Variants in TBCK observed in about 807,000 individuals in gnomAD.
TBCK encodes TBC1 domain containing kinase.
In TBCK, 99 loss-of-function variants were observed where a neutral mutation model predicts 113.4. The observed-to-expected ratio is 0.87, with a 90% CI of 0.74 to 1.03. The LOEUF (loss-of-function observed/expected upper bound fraction) is 1.03, where lower values mean the gene tolerates loss of function less well. Ranked by LOEUF, TBCK falls within the 50% of genes least tolerant of loss-of-function variation. The pLI is 0.00. For missense variants in TBCK, 1,045 were observed against 1,061.3 expected, an observed-to-expected ratio of 0.98 and a Z score of 0.21; for synonymous variants, 369 against 370.8, an observed-to-expected ratio of 1.00 and a Z score of 0.05.
chr4:106,181,838 GT>G (rs1360896335), intron 22 of TBCK, among the ~76,000 whole-genome samples: 3 of 152,004 alleles, frequency 2.0e-5, no homozygotes, highest in Non-Finnish European at 2.9e-5. Context: ...CAAGGATTGT[GT>G]TGGCTATGTG....
chr4:106,092,816 G>C (rs1365970960), intron 25 of TBCK, among the ~76,000 whole-genome samples: 1 of 152,176 alleles, frequency 6.6e-6, no homozygotes, highest in Non-Finnish European at 1.5e-5. Flanking sequence ...CTCCAGCCTC[G>C]GCCATCCCAG....
intron 21 of TBCK, among the ~76,000 whole-genome samples, chr4:106,194,057 T>A (rs565000100): frequency 6.6e-6 from 1 of 152,226 alleles, no homozygotes; most frequent in African/African-American, 2.4e-5. Flanking sequence ...CACAGATTTA[T>A]CTAGATGAAC....
At chr4:106,256,355 C>T (rs1255014314) in intron 5 of TBCK, among the ~76,000 whole-genome samples, 1 of 152,158 alleles carries the variant, frequency 6.6e-6, no homozygotes, top group Non-Finnish European at 1.5e-5. Context: ...GCCCTCAGCC[C>T]CCCTTCAGAC....
chr4:106,244,654 A>G lies in TBCK; in HGVS notation c.1042T>C (p.Ser348Pro). Residue 348 changes from serine (S) to proline (P), a missense_variant, in exon 11 of 26, where the codon TCC becomes CCC. Physicochemically the swap from Ser to Pro is moderately conservative, Grantham distance 74. Transcript: ENST00000394708. ...GGGAGTGTGCAGATAGGTGGTTTGG[A>G]TCGAATGATTTCCTTGTTGACAAGC... ...KELVNKEIIRSKPPICTLPNF... is the reference protein window; with the variant it reads ...KELVNKEIIRPKPPICTLPNF... 6.2e-7 allele frequency: 1 copy of G among 1,611,512 alleles called. No individual in the cohort carries two copies.
chr4:106,085,080 A>T (rs1578848568), intron 25 of TBCK, among the ~76,000 whole-genome samples: 1 of 152,238 alleles, frequency 6.6e-6, no homozygotes, highest in East Asian at 1.9e-4. Flanking sequence ...TGACAGGATC[A>T]AATTCACACA....
chr4:106,300,261 G>C (rs144150845), intron 2 of TBCK, among the ~76,000 whole-genome samples: 2 of 152,182 alleles, frequency 1.3e-5, no homozygotes, highest in African/African-American at 4.8e-5. Flanking sequence ...CCTAGTTTTG[G>C]GTATGTCTTT....
intron 22 of TBCK, among the ~76,000 whole-genome samples, chr4:106,176,397 A>G (rs1579133194): frequency 6.6e-6 from 1 of 152,158 alleles, no homozygotes; most frequent in East Asian, 1.9e-4. Context: ...TAGTTTCCCA[A>G]GTATGAGTTA....
rs138159338 is a variant in TBCK at position 106,233,015 on chromosome 4, G to A, written c.1562C>T (p.Ser521Leu). The change falls in exon 17 of 26, where the codon TCA (serine) becomes TTA (leucine). Residue 521 changes from serine (S) to leucine (L), a missense_variant. Ser to Leu is a moderately radical substitution (Grantham distance 145). Transcript: ENST00000394708. ...CCTAAATTTTGCATGACCTTCTGGT[G>A]ATGATAACAGTTCATCGTACTGATG... ...RCHQYDELLS[S>L]PEGHAKFRRV... The A allele has an allele frequency of 6.2e-7, 1 of 1,612,000 alleles. No homozygotes were observed. The highest frequency in any genetic ancestry group is 1.3e-5 in the African/African-American group (1 of 74,930).
At chr4:106,255,759 A>G (rs545376417) in intron 5 of TBCK, among the ~76,000 whole-genome samples, 1 of 152,276 alleles carries the variant, frequency 6.6e-6, no homozygotes, top group South Asian at 2.1e-4. Flanking sequence ...TTTAGCTCTG[A>G]CATTTGGCAG....
intron 3 of TBCK, among the ~76,000 whole-genome samples, chr4:106,289,748 AC>A (rs749408111): frequency 6.6e-6 from 1 of 150,926 alleles, no homozygotes; most frequent in Non-Finnish European, 1.5e-5. Flanking sequence ...AGCCTGGGTG[AC>A]AGAGCGAGAC....
intron 25 of TBCK, among the ~76,000 whole-genome samples, chr4:106,049,758 C>T (rs1734610033): frequency 6.6e-6 from 1 of 151,950 alleles, no homozygotes. Flanking sequence ...GGATATCATA[C>T]TGAACCAGTG....
chr4:106,156,530 G>T lies in TBCK; in HGVS notation c.2235+14565C>A, dbSNP rs565131942. ...CCAGGGACTTATGTCAAAAACCTTAGAAGTGTGCCTAGTGTTCTATTGTAC... is the reference window on the plus strand; with the variant it reads ...CCAGGGACTTATGTCAAAAACCTTATAAGTGTGCCTAGTGTTCTATTGTAC... On this transcript the variant is annotated intron_variant, in intron 23 of 25. Coordinates refer to ENST00000394708, the MANE Select transcript of TBCK (RefSeq NM_001163435.3). Among the ~76,000 whole-genome samples, 6 of 152,296 alleles carry T rather than the reference G, an allele frequency of 3.9e-5. No homozygotes were observed. The East Asian group carries it at 1.2e-3, about 29-fold the overall frequency.
At chr4:106,302,363 C>G (rs1033940159) in intron 2 of TBCK, among the ~76,000 whole-genome samples, 2 of 152,008 alleles carry the variant, frequency 1.3e-5, no homozygotes, top group Non-Finnish European at 2.9e-5. Flanking sequence ...CAGTTCCCAC[C>G]CGACTTTGAT....
chr4:106,070,469 C>T (rs1737265311), intron 25 of TBCK, among the ~76,000 whole-genome samples: 1 of 151,822 alleles, frequency 6.6e-6, no homozygotes, highest in Non-Finnish European at 1.5e-5. Context: ...GTTGAGCCAG[C>T]CTTCCATTGC....
chr4:106,258,448 T>C (rs907928709), intron 5 of TBCK, among the ~76,000 whole-genome samples: 1 of 152,068 alleles, frequency 6.6e-6, no homozygotes, highest in African/African-American at 2.4e-5. Context: ...TCACTTTATT[T>C]TTCCTGGCTA....
chr4:106,081,588 G>A (rs1738879170), intron 25 of TBCK, among the ~76,000 whole-genome samples: 1 of 152,086 alleles, frequency 6.6e-6, no homozygotes, highest in Admixed American at 6.5e-5. Context: ...CTAGGTGATG[G>A]ATTGATCTAT....
chr4:106,205,904 G>A (rs1755447036), intron 20 of TBCK, among the ~76,000 whole-genome samples: 2 of 152,026 alleles, frequency 1.3e-5, no homozygotes, highest in Admixed American at 6.6e-5. Flanking sequence ...TTATAAAAAT[G>A]TAAAAGATTA....
At chr4:106,059,094 T>A (rs1334285940) in intron 25 of TBCK, among the ~76,000 whole-genome samples, 1 of 151,808 alleles carries the variant, frequency 6.6e-6, no homozygotes, top group African/African-American at 2.4e-5. Flanking sequence ...AGGAACTTTG[T>A]AGACAGATAG....
intron 22 of TBCK, among the ~76,000 whole-genome samples, chr4:106,185,710 CCTTT>C (rs1429788319): frequency 2.0e-5 from 3 of 151,890 alleles, no homozygotes; most frequent in African/African-American, 4.8e-5. Flanking sequence ...CAGGAAGCAC[CCTTT>C]CTTTCATTCT....
Sources: allele counts gnomAD v4.1 joint callset (sites outside exome capture counted in the v4.1 genomes callset), GRCh38; gene constraint gnomAD v4.1.1; transcripts MANE v1.5; gene names NCBI Gene and HGNC (gene_info 2026-07-23, HGNC 2026-07-21).